Variants in GATAD2B observed in about 807,000 individuals in gnomAD.
GATAD2B encodes transcriptional repressor p66-beta.
A neutral mutation model predicts 64.3 loss-of-function variants in GATAD2B; 8 were observed. The observed-to-expected ratio is 0.12, with a 90% confidence interval of 0.07 to 0.22. GATAD2B has a LOEUF of 0.22. GATAD2B is among the 10% of genes least tolerant of loss of function. The pLI is 1.00. For missense variants in GATAD2B, 453 were observed against 752.0 expected (o/e 0.60, Z 4.65); for synonymous variants, 281 against 271.3 (o/e 1.04, Z -0.35).
intron 1 of GATAD2B, among the ~76,000 whole-genome samples, chr1:153,867,913 T>G (rs934493192): frequency 1.3e-5 from 2 of 149,380 alleles, no homozygotes; most frequent in South Asian, 4.2e-4. Flanking sequence ...AAAATAAAAT[T>G]TTAGGCCAGG....
intron 2 of GATAD2B, among the ~76,000 whole-genome samples, chr1:153,820,414 T>C (rs1371403106): frequency 1.3e-5 from 2 of 152,220 alleles, no homozygotes; most frequent in African/African-American, 2.4e-5. Flanking sequence ...CTTAAAAGCA[T>C]CATGCTTATT....
intron 2 of GATAD2B, among the ~76,000 whole-genome samples, chr1:153,823,024 AT>A (rs1415391838): frequency 1.3e-5 from 2 of 152,150 alleles, no homozygotes; most frequent in African/African-American, 4.8e-5. Context: ...GGCTCAAGTG[AT>A]TCTCCTGCCT....
At position 153,807,984 on chromosome 1, in the gene GATAD2B, G is replaced by C. The variant is rs1169365103; in HGVS notation, c.*2193C>G. 6.6e-6 allele frequency: 1 copy of C among 152,554 alleles called. No individual in the cohort carries two copies. Among genetic ancestry groups the C allele is most frequent in the Non-Finnish European group, 1.5e-5 (1 of 68,024 alleles). The allele number at this position is 152,554 out of a possible 1,614,324, so 9.5% of individuals were successfully genotyped here. ...AAAAAGCTTCCAATTTTGTGGAAGA[G>C]AGAAAAGCAAAACCAAACAATTTAT... On this transcript the variant is annotated 3_prime_UTR_variant, in exon 11 of 11. Coordinates refer to ENST00000368655, the MANE Select transcript of GATAD2B (RefSeq NM_020699.4).
At chr1:153,895,768 A>T (rs1259277459) in intron 1 of GATAD2B, among the ~76,000 whole-genome samples, 1 of 152,110 alleles carries the variant, frequency 6.6e-6, no homozygotes, top group Non-Finnish European at 1.5e-5. Flanking sequence ...TTATCTACAA[A>T]GATTCTAAGT....
intron 1 of GATAD2B, among the ~76,000 whole-genome samples, chr1:153,846,625 G>C (rs950751735): frequency 6.9e-6 from 1 of 145,394 alleles, no homozygotes; most frequent in East Asian, 2.0e-4. Context: ...GCAGTCGCGC[G>C]ATCTCGGCTC....
chr1:153,853,059 G>C, intron 1 of GATAD2B: 1 of 1,505,054 alleles, frequency 6.6e-7, no homozygotes, highest in Non-Finnish European at 9.2e-7. Context: ...AGTCGTCACA[G>C]CATCTTTTGC....
chr1:153,821,384 G>A (rs1254393743), intron 2 of GATAD2B, among the ~76,000 whole-genome samples: 2 of 152,134 alleles, frequency 1.3e-5, no homozygotes, highest in Non-Finnish European at 2.9e-5. Context: ...CTTAGGTAAG[G>A]AAATAGAATA....
chr1:153,898,896 G>A (rs1677684745), intron 1 of GATAD2B: 1 of 152,156 alleles, frequency 6.6e-6, no homozygotes. Flanking sequence ...GTATGACCCT[G>A]CTGATGTAGC....
chr1:153,817,499 T>C lies in GATAD2B; in HGVS notation c.773A>G (p.His258Arg), dbSNP rs1674520589. Residue 258 changes from histidine (H) to arginine (R), a missense_variant, in exon 6 of 11, where the codon CAC becomes CGC. Physicochemically the swap from His to Arg is conservative, Grantham distance 29. Coordinates refer to ENST00000368655, the MANE Select transcript of GATAD2B (RefSeq NM_020699.4). The part of the protein sequence containing the change: ...IRSATNTTLP[H>R]MLMSQRVIAP... ...AATAACACGTTGAGACATCAACATG[T>C]GTGGAAGGGTGGTATTGGTAGCTGA... 1.2e-6 allele frequency: 2 copies of C among 1,610,584 alleles called. No homozygotes were observed.
intron 1 of GATAD2B, among the ~76,000 whole-genome samples, chr1:153,915,622 C>T (rs879722239): frequency 2.6e-4 from 39 of 151,684 alleles, no homozygotes; most frequent in Middle Eastern, 3.4e-3. Context: ...ATAGACCCAG[C>T]TACTGAGGAG....
At chr1:153,887,461 T>G (rs1264634104) in intron 1 of GATAD2B, among the ~76,000 whole-genome samples, 1 of 152,116 alleles carries the variant, frequency 6.6e-6, no homozygotes, top group African/African-American at 2.4e-5. Flanking sequence ...TTATCAAAAT[T>G]TTGGCTAAAG....
At chr1:153,876,258 A>AAAAAAAAAAAAAAT (rs1676830815) in intron 1 of GATAD2B, among the ~76,000 whole-genome samples, 1 of 132,998 alleles carries the variant, frequency 7.5e-6, no homozygotes, top group Non-Finnish European at 1.6e-5. Flanking sequence ...AAAAAAAAAA[A>AAAAAAAAAAAAAAT]AAGATTTCAC....
chr1:153,908,495 T>C (rs1181379979), intron 1 of GATAD2B, among the ~76,000 whole-genome samples: 4 of 151,836 alleles, frequency 2.6e-5, no homozygotes, highest in Non-Finnish European at 4.4e-5. Context: ...TTTTTTTTTT[T>C]GAGACGGAGT....
chr1:153,850,592 G>A (rs774873246), intron 1 of GATAD2B, among the ~76,000 whole-genome samples: 59 of 152,086 alleles, frequency 3.9e-4, no homozygotes, highest in East Asian at 9.7e-4. Flanking sequence ...GAGCCACTGC[G>A]CTCAGCCTAA....
intron 1 of GATAD2B, among the ~76,000 whole-genome samples, chr1:153,871,726 C>T (rs1457101197): frequency 1.3e-5 from 2 of 152,096 alleles, no homozygotes; most frequent in Non-Finnish European, 2.9e-5. Context: ...CCACTTCAGC[C>T]TCCCAAGGTG....
chr1:153,910,109 G>A (rs1316001354), intron 1 of GATAD2B, among the ~76,000 whole-genome samples: 5 of 151,674 alleles, frequency 3.3e-5, no homozygotes, highest in South Asian at 2.1e-4. Flanking sequence ...GTGAGACTCC[G>A]TCTCAAAATA....
chr1:153,827,497 TA>T (rs2101890977), intron 2 of GATAD2B: 1 of 155,260 alleles, frequency 6.4e-6, no homozygotes, highest in South Asian at 2.0e-4. Flanking sequence ...CAAGTGAATG[TA>T]TATGTATATG....
At chr1:153,905,859 G>C (rs1677910374) in intron 1 of GATAD2B, among the ~76,000 whole-genome samples, 1 of 151,272 alleles carries the variant, frequency 6.6e-6, no homozygotes, top group African/African-American at 2.4e-5. Context: ...CTGAGGTCAA[G>C]AGTTCGAGAC....
In GATAD2B at chr1:153,808,927, G is replaced by A. The variant is rs1386251851; in HGVS notation, c.*1250C>T. The A allele has an allele frequency of 6.6e-6, 1 of 152,232 alleles. No individual in the cohort carries two copies. Among genetic ancestry groups the A allele is most frequent in the Non-Finnish European group, 1.5e-5 (1 of 68,064 alleles). 9.4% of individuals were successfully genotyped at this position (152,232 alleles called of 1,614,324 possible). ...GCCATGAGCTGTTTGGCTTTGAGCAGTTGGTTCTGCAGCTGGTGCAGCAGA... is the reference window on the plus strand; with the variant it reads ...GCCATGAGCTGTTTGGCTTTGAGCAATTGGTTCTGCAGCTGGTGCAGCAGA... On this transcript the variant is annotated 3_prime_UTR_variant, in exon 11 of 11. Transcript: ENST00000368655.
Sources: gnomAD v4.1 joint callset for allele counts (sites outside exome capture counted in the v4.1 genomes callset) on GRCh38, gnomAD v4.1.1 for gene constraint, MANE v1.5 for transcripts, NCBI Gene and HGNC (gene_info 2026-07-23, HGNC 2026-07-21) for gene names.